The following STX17 variants were observed in gnomAD, a reference collection of about 807,000 sequenced individuals.
STX17 encodes syntaxin-17.
In STX17, 29 loss-of-function variants were observed where a neutral mutation model predicts 35.9. The ratio of observed to expected loss-of-function variants is 0.81; its 90% CI spans 0.60 to 1.10. STX17 has a LOEUF of 1.10. Among genes scored for constraint, STX17 ranks in the 50% least tolerant of loss-of-function variants. STX17 has a pLI of 0.00. For synonymous variants in STX17, 92 were observed against 118.3 expected (o/e 0.78, Z 1.44); for missense variants, 312 against 352.3 (o/e 0.89, Z 0.92).
chr9:99,919,429 A>T (rs891403150), intron 2 of STX17, among the ~76,000 whole-genome samples: 1 of 151,686 alleles, frequency 6.6e-6, no homozygotes, highest in Non-Finnish European at 1.5e-5. Context: ...TCTCATTGCC[A>T]CTCTTCCCTA....
chr9:99,948,349 A>T (rs938938579), intron 3 of STX17, among the ~76,000 whole-genome samples: 4 of 152,106 alleles, frequency 2.6e-5, no homozygotes, highest in Admixed American at 2.6e-4. Flanking sequence ...ATATTATTAA[A>T]ATTAATTTCC....
chr9:99,911,762 A>T (rs1261939593), intron 1 of STX17, among the ~76,000 whole-genome samples: 2 of 152,026 alleles, frequency 1.3e-5, no homozygotes, highest in Non-Finnish European at 2.9e-5. Flanking sequence ...TTTTTCAGAG[A>T]AGAAGGATCT....
intron 4 of STX17, among the ~76,000 whole-genome samples, chr9:99,955,449 T>C (rs1829687628): frequency 1.3e-5 from 2 of 152,098 alleles, no homozygotes; most frequent in South Asian, 4.1e-4. Flanking sequence ...TTGATAGGCT[T>C]ATGTAGATGA....
rs184878374 is a variant in STX17 at position 99,967,224 on chromosome 9, A to T, written c.583-429A>T. The stretch of plus-strand genomic sequence containing the variant: ...CAAGGGCATTTTACTCCTAAGGTAA[A>T]TGTGCCTGATTTAAACTGAATCCTC... On this transcript the variant is annotated intron_variant, in intron 6 of 7. Transcript: ENST00000259400. 35 of 166,306 alleles carry T rather than the reference A, an allele frequency of 2.1e-4. No homozygotes were observed. The East Asian group carries it at 2.6e-3, about 12-fold the overall frequency. The allele number at this position is 166,306 out of a possible 1,614,324, so 10.3% of individuals were successfully genotyped here.
At chr9:99,927,942 C>T (rs1829023012) in intron 2 of STX17, among the ~76,000 whole-genome samples, 2 of 152,054 alleles carry the variant, frequency 1.3e-5, no homozygotes, top group South Asian at 4.2e-4. Flanking sequence ...ATGCTCTACT[C>T]TTATAATGTA....
In STX17 at chr9:99,973,233, A is replaced by G. The variant is rs1359507942; in HGVS notation, c.*4560A>G. ...TTAAATTGAAAAAAAAAAACCCATA[A>G]AAAGTGTCAAAGGCAAATAATTTGC... is the stretch of plus-strand genomic sequence containing the variant. On this transcript the variant is annotated 3_prime_UTR_variant, in exon 8 of 8. Coordinates refer to ENST00000259400, the MANE Select transcript of STX17 (RefSeq NM_017919.3). Among the ~76,000 whole-genome samples, 1 of 152,142 alleles carries G rather than the reference A, an allele frequency of 6.6e-6. No individual in the cohort carries two copies. The highest frequency in any genetic ancestry group is 2.4e-5 in the African/African-American group (1 of 41,430).
chr9:99,907,595 G>T (rs1962051), intron 1 of STX17, among the ~76,000 whole-genome samples: 64,539 of 151,974 alleles, frequency 0.42, 14,851 homozygotes, highest in East Asian at 0.7. Flanking sequence ...TGAATACGAT[G>T]GCAGTTCTTT....
At chr9:99,935,585 A>C (rs1444706399) in intron 3 of STX17, among the ~76,000 whole-genome samples, 1 of 152,210 alleles carries the variant, frequency 6.6e-6, no homozygotes, top group Non-Finnish European at 1.5e-5. Flanking sequence ...GACACTGGGC[A>C]TACATCTGTG....
chr9:99,942,962 T>A (rs1829396541), intron 3 of STX17, among the ~76,000 whole-genome samples: 1 of 152,218 alleles, frequency 6.6e-6, no homozygotes, highest in Non-Finnish European at 1.5e-5. Context: ...ATAGAGGAAG[T>A]TCTCCTACTT....
At chr9:99,938,451 T>C (rs994779448) in intron 3 of STX17, among the ~76,000 whole-genome samples, 3 of 152,220 alleles carry the variant, frequency 2.0e-5, no homozygotes, top group Admixed American at 6.5e-5. Flanking sequence ...TTGTTACTAC[T>C]ATAATAATTC....
rs1181096103 is a variant in STX17, at chr9:99,928,820, A to G, written c.166A>G (p.Ile56Val). ...RIWDKLHEEHINAGRTVQQLR... is the reference protein window; with the variant it reads ...RIWDKLHEEHVNAGRTVQQLR... ...CTGGGACAAGTTGCATGAAGAGCAT[A>G]TCAATGCAGGACGTACAGTTCAGGT... Residue 56 changes from isoleucine (I) to valine (V), a missense_variant, in exon 3 of 8, where the codon ATC (isoleucine) becomes GTC (valine). Coordinates refer to ENST00000259400, the MANE Select transcript of STX17 (RefSeq NM_017919.3). 1.9e-6 allele frequency: 3 copies of G among 1,613,616 alleles called. No individual in the cohort carries two copies. Among genetic ancestry groups the G allele is most frequent in the Non-Finnish European group, 1.7e-6 (2 of 1,179,728 alleles).
intron 2 of STX17, among the ~76,000 whole-genome samples, chr9:99,925,999 T>C (rs189309932): frequency 6.6e-6 from 1 of 152,156 alleles, no homozygotes; most frequent in East Asian, 1.9e-4. Context: ...TTGATCTTGG[T>C]TAATTTATTT....
chr9:99,947,247 A>G (rs529509132), intron 3 of STX17, among the ~76,000 whole-genome samples: 1 of 152,222 alleles, frequency 6.6e-6, no homozygotes, highest in Admixed American at 6.5e-5. Flanking sequence ...ATTCTTGTGG[A>G]CATTATTTTA....
At chr9:99,938,574 C>T (rs1829285399) in intron 3 of STX17, among the ~76,000 whole-genome samples, 1 of 152,122 alleles carries the variant, frequency 6.6e-6, no homozygotes, top group Non-Finnish European at 1.5e-5. Context: ...TGCCTGAGCT[C>T]ATGAGTTCAA....
At chr9:99,937,739 C>G (rs1394829411) in intron 3 of STX17, among the ~76,000 whole-genome samples, 1 of 152,050 alleles carries the variant, frequency 6.6e-6, no homozygotes, top group Non-Finnish European at 1.5e-5. Flanking sequence ...TGATTATTTT[C>G]TTCATTATGG....
chr9:99,945,137 G>A (rs959438312), intron 3 of STX17, among the ~76,000 whole-genome samples: 1 of 151,970 alleles, frequency 6.6e-6, no homozygotes, highest in Non-Finnish European at 1.5e-5. Context: ...TAAACTTATT[G>A]TTCAAATCCT....
chr9:99,952,648 C>T (rs577044968), intron 4 of STX17, among the ~76,000 whole-genome samples: 2 of 151,944 alleles, frequency 1.3e-5, no homozygotes, highest in East Asian at 1.9e-4. Context: ...CAACAATGAT[C>T]GACTGGATTA....
chr9:99,968,253 C>G (rs554606556), intron 7 of STX17, among the ~76,000 whole-genome samples, 181 bp from the exon 8 acceptor site: 1 of 152,262 alleles, frequency 6.6e-6, no homozygotes, highest in South Asian at 2.1e-4. Flanking sequence ...GTTCTGAGAT[C>G]TGGAGCAATT....
intron 3 of STX17, 129 bp downstream of exon 3, chr9:99,928,972 T>G: frequency 3.9e-6 from 3 of 771,808 alleles, no homozygotes; most frequent in Non-Finnish European, 6.0e-6. Flanking sequence ...GAGGATACAT[T>G]TTTAGCAGAA....
Sources: allele counts gnomAD v4.1 joint callset (sites outside exome capture counted in the v4.1 genomes callset), GRCh38; gene constraint gnomAD v4.1.1; transcripts MANE v1.5; gene names NCBI Gene and HGNC (gene_info 2026-07-23, HGNC 2026-07-21).